Variants in RAB27A observed in about 807,000 individuals in gnomAD.
RAB27A encodes the protein ras-related protein Rab-27A.
In RAB27A, 17 loss-of-function variants were observed where a neutral mutation model predicts 20.8. The observed-to-expected ratio is 0.82, with a 90% confidence interval of 0.56 to 1.23. The LOEUF is 1.23. RAB27A is among the 50% of genes most tolerant of loss of function. The pLI is 0.00. For missense variants in RAB27A, 277 were observed against 266.7 expected (o/e 1.04, Z -0.27); for synonymous variants, 85 against 92.8 (o/e 0.92, Z 0.48).
At chr15:55,248,739 T>C (rs993277249) in intron 2 of RAB27A, among the ~76,000 whole-genome samples, 2 of 152,210 alleles carry the variant, frequency 1.3e-5, no homozygotes, top group Admixed American at 6.5e-5. Flanking sequence ...AAATCAAGGC[T>C]TTTCCTGATG....
intron 6 of RAB27A, among the ~76,000 whole-genome samples, chr15:55,212,675 G>A (rs372633177): frequency 3.6e-3 from 551 of 151,948 alleles, no homozygotes; most frequent in African/African-American, 0.012. Context: ...GATTACAGGC[G>A]GCTGCCACCA....
At chr15:55,317,736 A>G (rs922564571) in intron 1 of RAB27A, 1 of 398,514 alleles carries the variant, frequency 2.5e-6, no homozygotes, top group African/African-American at 2.1e-5. Context: ...ATACTCCTCC[A>G]GCAATTCCAA....
chr15:55,282,553 C>G (rs1898042821), intron 1 of RAB27A, among the ~76,000 whole-genome samples: 1 of 152,124 alleles, frequency 6.6e-6, no homozygotes, highest in Non-Finnish European at 1.5e-5. Flanking sequence ...AAGAAACTGT[C>G]CAGTTTTATT....
At chr15:55,300,882 T>C (rs1264651537) in intron 2 of RAB27A, among the ~76,000 whole-genome samples, 1 of 152,100 alleles carries the variant, frequency 6.6e-6, no homozygotes, top group Non-Finnish European at 1.5e-5. Flanking sequence ...GTGATTTAAA[T>C]AGCTGTATCC....
chr15:55,240,031 C>G (rs1896418834), intron 2 of RAB27A, among the ~76,000 whole-genome samples: 1 of 152,142 alleles, frequency 6.6e-6, no homozygotes, highest in South Asian at 2.1e-4. Flanking sequence ...CTCATCACTA[C>G]TTATCACTAC....
At chr15:55,236,928 T>C (rs989736343) in intron 2 of RAB27A, among the ~76,000 whole-genome samples, 1 of 152,158 alleles carries the variant, frequency 6.6e-6, no homozygotes, top group Admixed American at 6.6e-5. Context: ...TAGTCTACTG[T>C]TGAACATTAG....
At chr15:55,254,251 CCTTTT>C (rs1897000753) in intron 2 of RAB27A, among the ~76,000 whole-genome samples, 2 of 152,142 alleles carry the variant, frequency 1.3e-5, no homozygotes, top group South Asian at 4.1e-4. Context: ...TAATGACATT[CCTTTT>C]AAGTTATTAC....
At chr15:55,274,110 C>T (rs2141105787) in intron 1 of RAB27A, among the ~76,000 whole-genome samples, 1 of 152,212 alleles carries the variant, frequency 6.6e-6, no homozygotes, top group Non-Finnish European at 1.5e-5. Flanking sequence ...GAAAAATTCA[C>T]AAATCTGTGG....
chr15:55,264,289 G>T lies in RAB27A; in HGVS notation c.-23+5876C>A, dbSNP rs190058540. On this transcript the variant is annotated intron_variant, in intron 2 of 6. Transcript: ENST00000336787. ...TGGTCTCAAACTCTTGACCTTAGGT[G>T]ATCAGCCGGCCTCGGCCTCCCAAAG... Among the ~76,000 whole-genome samples the T allele has an allele frequency of 2.0e-3, 300 of 152,328 alleles. 2 individuals are homozygous for T. The highest frequency in any genetic ancestry group is 1.6e-3 in the Admixed American group (24 of 15,296).
At chr15:55,215,471 T>C (rs929955442) in intron 6 of RAB27A, among the ~76,000 whole-genome samples, 2 of 149,232 alleles carry the variant, frequency 1.3e-5, no homozygotes, top group South Asian at 4.2e-4. Context: ...GCTAACACGG[T>C]GAAACCCCGT....
intron 2 of RAB27A, among the ~76,000 whole-genome samples, chr15:55,307,568 A>G (rs2055002952): frequency 6.6e-6 from 1 of 151,932 alleles, no homozygotes; most frequent in Admixed American, 6.6e-5. Context: ...TCACTCTGTA[A>G]GCCTCAGGGA....
chr15:55,221,220 GTACTTGAGAA>G (rs1895554288), intron 6 of RAB27A, among the ~76,000 whole-genome samples: 1 of 152,230 alleles, frequency 6.6e-6, no homozygotes, highest in Non-Finnish European at 1.5e-5. Flanking sequence ...CCCTCCCCCA[GTACTTGAGAA>G]TATACTTGAA....
At chr15:55,299,276 G>T (rs1376754838) in intron 2 of RAB27A, among the ~76,000 whole-genome samples, 1 of 152,132 alleles carries the variant, frequency 6.6e-6, no homozygotes, top group Non-Finnish European at 1.5e-5. Flanking sequence ...GCTTCAGCCG[G>T]TCCCTCCATT....
intron 2 of RAB27A, among the ~76,000 whole-genome samples, chr15:55,297,493 A>G (rs2054954567): frequency 6.6e-6 from 1 of 152,254 alleles, no homozygotes; most frequent in African/African-American, 2.4e-5. Flanking sequence ...GGGGTGATCA[A>G]GAAGGCAGCT....
intron 2 of RAB27A, among the ~76,000 whole-genome samples, chr15:55,312,243 A>G (rs959090233): frequency 2.0e-5 from 3 of 152,150 alleles, no homozygotes; most frequent in Non-Finnish European, 4.4e-5. Flanking sequence ...ACAGCGGCAA[A>G]CAACAGGGGT....
intron 6 of RAB27A, among the ~76,000 whole-genome samples, chr15:55,216,472 C>T (rs1895310216): frequency 1.3e-5 from 2 of 152,014 alleles, no homozygotes. Context: ...GCAGAGGTTG[C>T]AGTGAGCCGA....
chr15:55,211,651 T>G (rs1895031443), intron 6 of RAB27A, among the ~76,000 whole-genome samples: 1 of 152,224 alleles, frequency 6.6e-6, no homozygotes, highest in Non-Finnish European at 1.5e-5. Flanking sequence ...AAATGTTTTT[T>G]GGTGTAATCT....
intron 1 of RAB27A, among the ~76,000 whole-genome samples, chr15:55,272,435 G>A (rs1258727442): frequency 6.6e-6 from 1 of 152,120 alleles, no homozygotes; most frequent in Non-Finnish European, 1.5e-5. Context: ...TCCTGTAGGG[G>A]GCTCAGGAGT....
intron 5 of RAB27A, among the ~76,000 whole-genome samples, chr15:55,225,087 T>C (rs1232818840): frequency 6.6e-6 from 1 of 152,210 alleles, no homozygotes; most frequent in Non-Finnish European, 1.5e-5. Context: ...TTCCTCCAGG[T>C]TGTTACACAT....
Sources: gnomAD v4.1 joint callset for allele counts (sites outside exome capture counted in the v4.1 genomes callset) on GRCh38, gnomAD v4.1.1 for gene constraint, MANE v1.5 for transcripts, NCBI Gene and HGNC (gene_info 2026-07-23, HGNC 2026-07-21) for gene names.